Variants in MGST1 observed in about 807,000 individuals in gnomAD.
The protein encoded by MGST1 is microsomal glutathione S-transferase 1.
Under a neutral mutation model 8.9 loss-of-function variants are expected in MGST1, and 5 were observed. The observed-to-expected ratio is 0.56, with a 90% CI of 0.29 to 1.19. The LOEUF (loss-of-function observed/expected upper bound fraction) is 1.19. MGST1 is among the 50% of genes most tolerant of loss of function. MGST1 has a pLI of 0.08. For synonymous variants in MGST1, 54 were observed against 67.8 expected (o/e 0.80, Z 1.00); for missense variants, 182 against 187.4 (o/e 0.97, Z 0.17).
chr12:16,456,348 T>G (rs963727608), intron 4 of MGST1, among the ~76,000 whole-genome samples: 19 of 151,904 alleles, frequency 1.3e-4, no homozygotes, highest in African/African-American at 4.6e-4. Context: ...TTTATAATAT[T>G]AATCATTAGT....
chr12:16,458,014 G>T lies in MGST1; in HGVS notation n.482+74410G>T, dbSNP rs1028626839. Among the ~76,000 whole-genome samples, 1 of 151,884 alleles carries T rather than the reference G, an allele frequency of 6.6e-6. No individual in the cohort carries two copies. The highest frequency in any genetic ancestry group is 2.1e-4 in the South Asian group (1 of 4,824). ...TTAATTTTTCCCTAGGAAAGCTTTT[G>T]CTTGCCCTAGCAATATTATAACTGC... is the stretch of plus-strand genomic sequence containing the variant. On this transcript the variant is annotated intron_variant and non_coding_transcript_variant, in intron 4 of 4. Coordinates refer to the MGST1 transcript ENST00000538857. The surrounding 1 kb of genome is among the most constrained non-coding windows in gnomAD (Gnocchi z 4.0).
chr12:16,538,800 G>A (rs1941774526), intron 4 of MGST1, among the ~76,000 whole-genome samples: 1 of 151,942 alleles, frequency 6.6e-6, no homozygotes, highest in Non-Finnish European at 1.5e-5. Context: ...AGTAGAGACG[G>A]GGTTTCACTG....
Position 16,361,883 on chromosome 12 carries a change from A to G in MGST1, c.222-1912A>G, listed in dbSNP as rs1489162854. ...AAAACATGCAGGAGCTAGAAAGGTAAAGGAACCCCTGCCCCTTGACCTTCC... is the reference window on the plus strand; with the variant it reads ...AAAACATGCAGGAGCTAGAAAGGTAGAGGAACCCCTGCCCCTTGACCTTCC... On this transcript the variant is annotated intron_variant, in intron 3 of 3. Coordinates refer to ENST00000396210, the MANE Select transcript of MGST1 (RefSeq NM_020300.5). The surrounding 1 kb of genome is among the most constrained non-coding windows in gnomAD (Gnocchi z 4.2). Among the ~76,000 whole-genome samples, 1 of 152,130 alleles carries G rather than the reference A, an allele frequency of 6.6e-6. No individual in the cohort carries two copies. The highest frequency in any genetic ancestry group is 1.5e-5 in the Non-Finnish European group (1 of 68,016).
intron 1 of MGST1, among the ~76,000 whole-genome samples, chr12:16,350,506 A>G (rs972485243): frequency 1.3e-5 from 2 of 152,152 alleles, no homozygotes; most frequent in Admixed American, 6.5e-5. Flanking sequence ...TTATTATTAT[A>G]CAGGACCACT....
In MGST1 at chr12:16,513,981, A is replaced by C. The variant is rs1034241796; in HGVS notation, n.483-75547A>C. 5 of 465,494 alleles carry C rather than the reference A, an allele frequency of 1.1e-5. No homozygotes were observed. Among genetic ancestry groups the C allele is most frequent in the African/African-American group, 1.0e-4 (5 of 49,836 alleles). The allele number at this position is 465,494 out of a possible 1,614,324, so 28.8% of individuals were successfully genotyped here. On this transcript the variant is annotated intron_variant and non_coding_transcript_variant, in intron 4 of 4. Coordinates refer to the MGST1 transcript ENST00000538857. This position sits in a 1 kb window ranked among gnomAD's most constrained non-coding sequence, Gnocchi z 4.2. Reference sequence around the variant, plus strand: ...CAGACACTGTGGAGGACATTTCAAAAACACCAGAGCAAAGTCTTCTTCTTC... The same window carrying C: ...CAGACACTGTGGAGGACATTTCAAACACACCAGAGCAAAGTCTTCTTCTTC...
intron 2 of MGST1, 166 bp from the exon 3 acceptor site, chr12:16,357,439 T>G (rs533393532): frequency 1.8e-6 from 1 of 558,582 alleles, no homozygotes. Context: ...AAATTTTTTT[T>G]AAAAAAATTT....
Position 16,500,723 on chromosome 12 carries a change from C to T in MGST1, n.483-88805C>T, listed in dbSNP as rs767607368. 6.6e-6 allele frequency among the ~76,000 whole-genome samples: 1 copy of T among 151,562 alleles called. No homozygotes were observed. The highest frequency in any genetic ancestry group is 2.4e-5 in the African/African-American group (1 of 41,314). On this transcript the variant is annotated intron_variant and non_coding_transcript_variant, in intron 4 of 4. Coordinates refer to the MGST1 transcript ENST00000538857. The surrounding 1 kb of genome is among the most constrained non-coding windows in gnomAD (Gnocchi z 4.3). ...ATATGTGACTGATTGTGAAAGTCAT[C>T]ATTATCTATTAAATATTACTATCAT...
rs187359175 is a variant in MGST1 at position 16,447,818 on chromosome 12, C to T, written n.482+64214C>T. Reference sequence around the variant, plus strand: ...GGCCTCAGTTGCTGTCTAAAGCCTACAAAGAGTTCCTTTATATATTTTTCC... The same window carrying T: ...GGCCTCAGTTGCTGTCTAAAGCCTATAAAGAGTTCCTTTATATATTTTTCC... On this transcript the variant is annotated intron_variant and non_coding_transcript_variant, in intron 4 of 4. Coordinates refer to the MGST1 transcript ENST00000538857. Among the ~76,000 whole-genome samples the T allele has an allele frequency of 1.4e-4, 21 of 152,086 alleles. No individual in the cohort carries two copies. In the East Asian group the frequency reaches 4.1e-3, roughly 30 times the overall value.
chr12:16,369,931 A>G lies in MGST1; in HGVS notation c.222-6191A>G, dbSNP rs1940263439. The G allele has an allele frequency of 6.6e-6, 1 of 152,212 alleles. No homozygotes were observed. Among genetic ancestry groups the G allele is most frequent in the Non-Finnish European group, 1.5e-5 (1 of 68,064 alleles). The allele number at this position is 152,212 out of a possible 1,614,324, so 9.4% of individuals were successfully genotyped here. On this transcript the variant is annotated intron_variant, in intron 3 of 3. Transcript: ENST00000535309. This position sits in a 1 kb window ranked among gnomAD's most constrained non-coding sequence, Gnocchi z 4.8. ...AACTAAAGTGCTGGGAAATGGACTCAACCCCCTCAGGGAGATGAACCGCAA... is the reference window on the plus strand; with the variant it reads ...AACTAAAGTGCTGGGAAATGGACTCGACCCCCTCAGGGAGATGAACCGCAA...
At chr12:16,535,848 G>A (rs967152934) in intron 4 of MGST1, among the ~76,000 whole-genome samples, 1 of 151,956 alleles carries the variant, frequency 6.6e-6, no homozygotes, top group Non-Finnish European at 1.5e-5. Context: ...CAAAGATTGG[G>A]GATTATTCTG....
Position 16,536,082 on chromosome 12 carries a change from A to AGTGTGTGTGT in MGST1, n.483-53419_483-53410dup, listed in dbSNP as rs10579042. Among the ~76,000 whole-genome samples the AGTGTGTGTGT allele has an allele frequency of 8.9e-3, 1,293 of 145,424 alleles. 18 individuals carry two copies. The highest frequency in any genetic ancestry group is 0.023 in the East Asian group (114 of 4,880). On this transcript the variant is annotated intron_variant and non_coding_transcript_variant, in intron 4 of 4. Coordinates refer to the MGST1 transcript ENST00000538857. Reference sequence around the variant, plus strand: ...GAATCTCAGTAACTTGGTGTGTGTGAGTGTGTGTGTGTGTGTGTGTGTGTG... The same window carrying AGTGTGTGTGT: ...GAATCTCAGTAACTTGGTGTGTGTGAGTGTGTGTGTGTGTGTGTGTGTGTGTGTGTGTGTG...
chr12:16,410,741 ATGTT>A lies in MGST1; in HGVS notation n.779-26644_779-26641del, dbSNP rs1940735789. Among the ~76,000 whole-genome samples the A allele has an allele frequency of 6.7e-6, 1 of 149,882 alleles. No individual in the cohort carries two copies. Among genetic ancestry groups the A allele is most frequent in the Non-Finnish European group, 1.5e-5 (1 of 67,576 alleles). ...AATATTCAAATATACTCAAATGTAT[ATGTT>A]TGATTATATATATATTTGATTATGT... On this transcript the variant is annotated intron_variant and non_coding_transcript_variant, in intron 1 of 1. Transcript: ENST00000359720. This position sits in a 1 kb window ranked among gnomAD's most constrained non-coding sequence, Gnocchi z 4.4.
chr12:16,366,535 T>C (rs1321646554), downstream of MGST1, among the ~76,000 whole-genome samples: 3 of 152,068 alleles, frequency 2.0e-5, no homozygotes, highest in East Asian at 5.8e-4. This position sits in a 1 kb window ranked among gnomAD's most constrained non-coding sequence, Gnocchi z 4.0. Flanking sequence ...CTATTACTTA[T>C]GAGGAATAGG....
rs557207669 is a variant in MGST1, at chr12:16,580,738, CATT to C, written n.483-8788_483-8786del. Reference sequence around the variant, plus strand: ...TGGAATGATGAATAATTAGAGCAAACATTAGTAGGTTCTGGTAGAATCATGGTG... The same window carrying C: ...TGGAATGATGAATAATTAGAGCAAACAGTAGGTTCTGGTAGAATCATGGTG... On this transcript the variant is annotated intron_variant and non_coding_transcript_variant, in intron 4 of 4. Transcript: ENST00000538857. Among the ~76,000 whole-genome samples, 42 of 152,198 alleles carry C rather than the reference CATT, an allele frequency of 2.8e-4. No homozygotes were observed. In the East Asian group the frequency reaches 7.7e-3, roughly 28 times the overall value.
In MGST1 at chr12:16,390,200, A is replaced by G. The variant is rs573232078; in HGVS notation, n.778+6596A>G. 1.7e-3 allele frequency among the ~76,000 whole-genome samples: 246 copies of G among 147,792 alleles called. 2 individuals are homozygous for G. Among genetic ancestry groups the G allele is most frequent in the African/African-American group, 4.7e-3 (189 of 40,630 alleles). On this transcript the variant is annotated intron_variant and non_coding_transcript_variant, in intron 1 of 1. Coordinates refer to the MGST1 transcript ENST00000359720. ...ATGTAATTTGAGGGCACCTCAGGGG[A>G]AAAAAAAAAAGAACAATTTAAAATA...
intron 4 of MGST1, among the ~76,000 whole-genome samples, chr12:16,524,084 G>T (rs144126133): frequency 2.6e-5 from 4 of 151,992 alleles, no homozygotes; most frequent in Non-Finnish European, 5.9e-5. Context: ...ACTTTAAGTT[G>T]CTATTAAAGA....
At chr12:16,532,350 T>G (rs1279517156) in intron 4 of MGST1, among the ~76,000 whole-genome samples, 1 of 152,098 alleles carries the variant, frequency 6.6e-6, no homozygotes, top group Non-Finnish European at 1.5e-5. Context: ...CCTCTGAGTC[T>G]CTGTCAAAGA....
intron 1 of MGST1, among the ~76,000 whole-genome samples, chr12:16,403,613 A>G (rs1049758507): frequency 2.6e-5 from 4 of 151,986 alleles, no homozygotes; most frequent in Admixed American, 6.6e-5. Flanking sequence ...TTATGTTTGT[A>G]TTAGTCTCTT....
At chr12:16,541,151 C>T (rs1214268075) in intron 4 of MGST1, among the ~76,000 whole-genome samples, 1 of 151,996 alleles carries the variant, frequency 6.6e-6, no homozygotes, top group Non-Finnish European at 1.5e-5. Context: ...TATTTGTATA[C>T]CAAGACAAGC....
Sources: allele counts gnomAD v4.1 joint callset (sites outside exome capture counted in the v4.1 genomes callset), GRCh38; gene constraint gnomAD v4.1.1; non-coding constraint Gnocchi (gnomAD v3.1); transcripts MANE v1.5; gene names NCBI Gene and HGNC (gene_info 2026-07-23, HGNC 2026-07-21).